Variants in KCNC2 observed in about 807,000 individuals in gnomAD.
The protein encoded by KCNC2 is voltage-gated potassium channel KCNC2.
In KCNC2, 21 loss-of-function variants were observed where a neutral mutation model predicts 44.5. The ratio of observed to expected loss-of-function variants is 0.47; its 90% CI spans 0.33 to 0.68. The LOEUF is 0.68. KCNC2 is among the 30% of genes least tolerant of loss of function. The pLI is 0.01. For missense variants in KCNC2, 589 were observed against 826.2 expected (o/e 0.71, Z 3.52); for synonymous variants, 391 against 339.1 (o/e 1.15, Z -1.68).
At chr12:75,099,679 C>T (rs944828305) in intron 2 of KCNC2, among the ~76,000 whole-genome samples, 27 of 152,106 alleles carry the variant, frequency 1.8e-4, no homozygotes, top group African/African-American at 5.6e-4. Flanking sequence ...AGCTTTTGCT[C>T]AAATACAAGA....
At chr12:75,182,018 C>G (rs574811764) in intron 2 of KCNC2, among the ~76,000 whole-genome samples, 1 of 136,252 alleles carries the variant, frequency 7.3e-6, no homozygotes, top group East Asian at 2.2e-4. Flanking sequence ...ATGATCTGCC[C>G]GCCTCAGCCA....
At chr12:75,065,827 A>T (rs1247468383) in intron 2 of KCNC2, among the ~76,000 whole-genome samples, 2 of 152,144 alleles carry the variant, frequency 1.3e-5, no homozygotes, top group African/African-American at 4.8e-5. Flanking sequence ...ACAAATATTT[A>T]TAATATTGCC....
Position 75,112,524 on chromosome 12 carries a change from T to C in KCNC2, c.688-61207A>G, listed in dbSNP as rs373353117. On this transcript the variant is annotated intron_variant, in intron 2 of 4. Coordinates refer to ENST00000549446, the MANE Select transcript of KCNC2 (RefSeq NM_139137.4). ...TCTAAAAAATTATACTGCGTCCCTA[T>C]TCTCTCCATTTACTTCTTTTTACTT... Among the ~76,000 whole-genome samples the C allele has an allele frequency of 2.4e-4, 36 of 152,188 alleles. 1 individual carries two copies. In the South Asian group the frequency reaches 6.8e-3, roughly 29 times the overall value.
At position 75,207,738 on chromosome 12, in the gene KCNC2, C is replaced by T. The variant is rs760271121; in HGVS notation, c.246G>A (p.Ala82=). ...TGCCGCCGCGGGAACTGCAGTTGCC[C>T]GCGCCGCCCTCGAAGCAGCCGCCTG... The part of the protein sequence containing the change: ...PGPGGCFEGG[A]GNCSSRGGRA... The change falls in exon 2 of 5, where the codon GCG becomes GCA. Residue 82 remains alanine, a synonymous_variant. Transcript: ENST00000549446. This position sits in a 1 kb window ranked among gnomAD's most constrained non-coding sequence, Gnocchi z 4.1. 8 of 1,567,592 alleles carry T rather than the reference C, an allele frequency of 5.1e-6. No homozygotes were observed. The highest frequency in any genetic ancestry group is 4.6e-5 in the South Asian group (4 of 86,860).
rs1392337155 is a variant in KCNC2 at position 75,209,678 on chromosome 12, G to A, written c.-491C>T. 6.6e-6 allele frequency: 1 copy of A among 152,610 alleles called. No homozygotes were observed. Among genetic ancestry groups the A allele is most frequent in the Non-Finnish European group, 1.5e-5 (1 of 68,440 alleles). The allele number at this position is 152,610 out of a possible 1,614,324, so 9.5% of individuals were successfully genotyped here. A position where few individuals can be genotyped will look rare whatever the true frequency, so the allele number is the denominator to read the frequency against. ...TTCTCCCCCAAATCAGCCACTGCTG[G>A]AGCTGTCCCTTCAGCACCACTCGCC... On this transcript the variant is annotated 5_prime_UTR_variant, in exon 1 of 5. Coordinates refer to ENST00000549446, the MANE Select transcript of KCNC2 (RefSeq NM_139137.4).
chr12:75,189,134 C>T (rs1409576556), intron 2 of KCNC2, among the ~76,000 whole-genome samples: 1 of 152,154 alleles, frequency 6.6e-6, no homozygotes, highest in Non-Finnish European at 1.5e-5. Flanking sequence ...GGCATTGTCT[C>T]TGACTAGGGA....
intron 2 of KCNC2, among the ~76,000 whole-genome samples, chr12:75,157,316 C>A (rs1455935628): frequency 6.6e-6 from 1 of 151,814 alleles, no homozygotes; most frequent in African/African-American, 2.4e-5. Flanking sequence ...ATGGCTGGAA[C>A]TCTAGCAGTC....
intron 2 of KCNC2, among the ~76,000 whole-genome samples, chr12:75,090,281 C>G (rs1276653346): frequency 6.6e-6 from 1 of 151,728 alleles, no homozygotes; most frequent in African/African-American, 2.4e-5. Context: ...CCACCTATCT[C>G]AAAATAAATC....
At chr12:75,058,418 T>C (rs1333373978) in intron 2 of KCNC2, among the ~76,000 whole-genome samples, 2 of 152,054 alleles carry the variant, frequency 1.3e-5, no homozygotes, top group Admixed American at 6.6e-5. Flanking sequence ...TCTAGTGTTA[T>C]AGAGTCACAT....
chr12:75,053,063 T>C (rs1881354809), intron 2 of KCNC2, among the ~76,000 whole-genome samples: 1 of 152,168 alleles, frequency 6.6e-6, no homozygotes, highest in Non-Finnish European at 1.5e-5. Flanking sequence ...TAATCAATCA[T>C]TTGTCGTAAC....
intron 2 of KCNC2, among the ~76,000 whole-genome samples, chr12:75,183,808 C>T (rs1023000406): frequency 2.6e-5 from 4 of 152,140 alleles, no homozygotes; most frequent in African/African-American, 7.2e-5. Flanking sequence ...CTTAGAATAT[C>T]GCTCTTAGGA....
chr12:75,101,184 T>A (rs1886341175), intron 2 of KCNC2, among the ~76,000 whole-genome samples: 1 of 152,086 alleles, frequency 6.6e-6, no homozygotes, highest in Admixed American at 6.6e-5. Flanking sequence ...ACTAAGGAGA[T>A]TTATAACCCA....
chr12:75,085,034 C>CA (rs5799209), intron 2 of KCNC2, among the ~76,000 whole-genome samples: 130,998 of 150,858 alleles, frequency 0.87, 57,046 homozygotes, highest in Admixed American at 0.91. Context: ...TAGGAATTCA[C>CA]AAAAAAAAGG....
rs532713733 is a variant in KCNC2 at position 75,179,175 on chromosome 12, C to A, written c.687+28122G>T. ...AACTATGTAATTAAACAGTTCAAAT[C>A]CAAGTTTGAATCAGAACACTAGTAA... On this transcript the variant is annotated intron_variant, in intron 2 of 4. Transcript: ENST00000549446. Among the ~76,000 whole-genome samples the A allele has an allele frequency of 1.3e-4, 20 of 152,010 alleles. No homozygotes were observed. In the South Asian group the frequency reaches 3.5e-3, roughly 27 times the overall value.
chr12:75,057,312 T>G (rs1328274528), intron 2 of KCNC2, among the ~76,000 whole-genome samples: 1 of 152,002 alleles, frequency 6.6e-6, no homozygotes, highest in Non-Finnish European at 1.5e-5. Flanking sequence ...TTCATAGAAC[T>G]TTGGTCTCTA....
intron 3 of KCNC2, among the ~76,000 whole-genome samples, chr12:75,048,789 A>C (rs73185154): frequency 0.036 from 5,455 of 152,256 alleles, 135 homozygotes; most frequent in Middle Eastern, 0.14. Flanking sequence ...AACTCTTAAT[A>C]AAAATTATTC....
chr12:75,053,503 T>C (rs925643061), intron 2 of KCNC2, among the ~76,000 whole-genome samples: 4 of 152,054 alleles, frequency 2.6e-5, no homozygotes, highest in Non-Finnish European at 4.4e-5. Flanking sequence ...ACACAAAACT[T>C]TGAAAACCAA....
At chr12:75,072,692 A>G (rs918270161) in intron 2 of KCNC2, among the ~76,000 whole-genome samples, 8 of 152,140 alleles carry the variant, frequency 5.3e-5, no homozygotes, top group Non-Finnish European at 8.8e-5. Context: ...GGACCTCAAA[A>G]CATTCTACAG....
At chr12:75,138,247 T>A (rs1481516944) in intron 2 of KCNC2, among the ~76,000 whole-genome samples, 1 of 152,232 alleles carries the variant, frequency 6.6e-6, no homozygotes, top group African/African-American at 2.4e-5. Flanking sequence ...CAGAACCATT[T>A]GCTCATCTTG....
Sources: gnomAD v4.1 joint callset for allele counts (sites outside exome capture counted in the v4.1 genomes callset) on GRCh38, gnomAD v4.1.1 for gene constraint, Gnocchi (gnomAD v3.1) non-coding constraint, MANE v1.5 for transcripts, NCBI Gene and HGNC (gene_info 2026-07-23, HGNC 2026-07-21) for gene names.